The following OSBPL9 variants were observed in gnomAD, a reference collection of about 807,000 sequenced individuals.
OSBPL9 encodes oxysterol-binding protein-related protein 9.
OSBPL9 carries 40 observed loss-of-function variants against 106.6 expected under a neutral mutation model. The ratio of observed to expected loss-of-function variants is 0.38; its 90% CI spans 0.29 to 0.49. The LOEUF (loss-of-function observed/expected upper bound fraction) is 0.49, where lower values mean the gene tolerates loss of function less well. Among genes scored for constraint, OSBPL9 ranks in the 20% least tolerant of loss-of-function variants. OSBPL9 has a pLI of 0.97. For missense variants in OSBPL9, 609 were observed against 887.2 expected (o/e 0.69, Z 3.98); for synonymous variants, 269 against 295.4 (o/e 0.91, Z 0.92).
the OSBPL9 span, among the ~76,000 whole-genome samples, chr1:51,548,548 C>G: frequency 6.6e-6 from 1 of 151,574 alleles, no homozygotes; most frequent in African/African-American, 2.4e-5. Context: ...CTCCACGATG[C>G]CCAGCTGATT....
intron 1 of OSBPL9, among the ~76,000 whole-genome samples, chr1:51,596,223 C>T (rs1452069252): frequency 5.5e-5 from 8 of 144,540 alleles, no homozygotes; most frequent in Non-Finnish European, 9.0e-5. Context: ...TCTGCTACTG[C>T]ACTCCAGTCT....
At chr1:51,628,682 T>C (rs1273205150) in intron 1 of OSBPL9, among the ~76,000 whole-genome samples, 1 of 151,068 alleles carries the variant, frequency 6.6e-6, no homozygotes, top group Non-Finnish European at 1.5e-5. Flanking sequence ...CTTTCTTTTT[T>C]TCTTTTTTTT....
intron 3 of OSBPL9, among the ~76,000 whole-genome samples, chr1:51,678,950 T>A (rs922756493): frequency 2.0e-5 from 3 of 152,244 alleles, no homozygotes; most frequent in African/African-American, 7.2e-5. Context: ...CTTTAAAAAA[T>A]TTCCCTCTGT....
chr1:51,530,884 G>T, the OSBPL9 span, among the ~76,000 whole-genome samples: 1 of 150,264 alleles, frequency 6.7e-6, no homozygotes, highest in East Asian at 2.0e-4. Flanking sequence ...TGAGGCAGGA[G>T]AATCGCTTGA....
intron 10 of OSBPL9, among the ~76,000 whole-genome samples, chr1:51,761,133 G>A (rs1671394738): frequency 6.6e-6 from 1 of 152,114 alleles, no homozygotes; most frequent in Admixed American, 6.6e-5. Flanking sequence ...TTCCGTTTTG[G>A]GGTATTCTGT....
the OSBPL9 span, among the ~76,000 whole-genome samples, chr1:51,548,107 T>C: frequency 1.3e-5 from 2 of 152,104 alleles, no homozygotes; most frequent in African/African-American, 4.8e-5. Flanking sequence ...AAAAATCATC[T>C]GGAGGAGTAT....
the OSBPL9 span, among the ~76,000 whole-genome samples, chr1:51,542,494 T>C: frequency 2.6e-5 from 4 of 152,218 alleles, no homozygotes; most frequent in African/African-American, 9.6e-5. Flanking sequence ...CAGTGAAAAG[T>C]TCTAAAACAG....
Position 51,772,069 on chromosome 1 carries a change from GTTC to G in OSBPL9, c.943_945del (p.Ser315del), listed in dbSNP as rs767301900. 7.5e-6 allele frequency: 12 copies of G among 1,607,804 alleles called. 1 individual carries two copies. In the East Asian group the frequency reaches 2.2e-4, roughly 30 times the overall value. The stretch of plus-strand genomic sequence containing the variant: ...AAATAAGGTAATTAATGTTTTTATA[GTTC>G]TTCTGGATCTGCCTCAGTCCTGACA... On this transcript the variant is annotated inframe_deletion and splice_region_variant, in exon 13 of 24. Transcript: ENST00000428468.
chr1:51,550,500 TTTTTA>T, the OSBPL9 span, among the ~76,000 whole-genome samples: 5 of 152,050 alleles, frequency 3.3e-5, no homozygotes, highest in African/African-American at 1.2e-4. Flanking sequence ...AATACATACG[TTTTTA>T]TTTTATTTTA....
At chr1:51,706,964 C>CT (rs1658683620) in intron 3 of OSBPL9, among the ~76,000 whole-genome samples, 2 of 152,168 alleles carry the variant, frequency 1.3e-5, no homozygotes, top group African/African-American at 4.8e-5. Flanking sequence ...AAGGTGGGGC[C>CT]TTCCAGGCCC....
the OSBPL9 span, among the ~76,000 whole-genome samples, chr1:51,544,836 G>GTTTTTTTT: frequency 1.2e-4 from 15 of 126,706 alleles, no homozygotes; most frequent in African/African-American, 2.5e-4. Flanking sequence ...TAAGAGACAT[G>GTTTTTTTT]CTTTTTTTTT....
At chr1:51,690,539 G>A (rs141298764) in intron 3 of OSBPL9, among the ~76,000 whole-genome samples, 306 of 152,232 alleles carry the variant, frequency 2.0e-3, no homozygotes, top group Middle Eastern at 3.4e-3. Context: ...GGATCATTAA[G>A]CAAAAATAAA....
chr1:51,691,964 CTGT>C (rs1557695690), intron 3 of OSBPL9, among the ~76,000 whole-genome samples: 1 of 152,080 alleles, frequency 6.6e-6, no homozygotes, highest in Non-Finnish European at 1.5e-5. Flanking sequence ...CTGCCTGAGG[CTGT>C]TTTACAGCTT....
intron 1 of OSBPL9, among the ~76,000 whole-genome samples, chr1:51,590,052 A>AAG (rs1200888113): frequency 3.3e-5 from 5 of 151,002 alleles, no homozygotes; most frequent in South Asian, 2.1e-4. Flanking sequence ...AAAAAAAAAA[A>AAG]AGAGAGAGGT....
intron 2 of OSBPL9, among the ~76,000 whole-genome samples, chr1:51,603,755 T>C (rs1304137695): frequency 6.6e-6 from 1 of 152,178 alleles, no homozygotes; most frequent in Non-Finnish European, 1.5e-5. Flanking sequence ...GTGTATGTAG[T>C]AGAAAAAGTA....
At chr1:51,573,392 C>T (rs145900269), upstream of OSBPL9, among the ~76,000 whole-genome samples, 5,980 of 151,088 alleles carry the variant, frequency 0.04, 170 homozygotes, top group Non-Finnish European at 0.062. Context: ...CCTGTAATCC[C>T]AGCTACTTGG....
intron 2 of OSBPL9, among the ~76,000 whole-genome samples, chr1:51,653,399 T>A (rs1347236691): frequency 1.3e-5 from 2 of 152,230 alleles, no homozygotes; most frequent in East Asian, 3.8e-4. Flanking sequence ...TTTAGGCCAC[T>A]GTCTCATTGT....
intron 3 of OSBPL9, among the ~76,000 whole-genome samples, chr1:51,677,498 T>C (rs1651533531): frequency 6.6e-6 from 1 of 152,198 alleles, no homozygotes; most frequent in Non-Finnish European, 1.5e-5. Flanking sequence ...GGTATGTATG[T>C]GATTAGTTTT....
intron 8 of OSBPL9, among the ~76,000 whole-genome samples, chr1:51,755,141 C>T (rs933710453): frequency 6.6e-6 from 1 of 152,044 alleles, no homozygotes; most frequent in African/African-American, 2.4e-5. Context: ...TTCTTTAAGC[C>T]ACCCAGTCTA....
Sources: gnomAD v4.1 joint callset for allele counts (sites outside exome capture counted in the v4.1 genomes callset) on GRCh38, gnomAD v4.1.1 for gene constraint, MANE v1.5 for transcripts, NCBI Gene and HGNC (gene_info 2026-07-23, HGNC 2026-07-21) for gene names.